Variants in FOCAD observed in about 807,000 individuals in gnomAD.
FOCAD encodes focadhesin.
In FOCAD, 198 loss-of-function variants were observed where a neutral mutation model predicts 225.6. The observed-to-expected ratio is 0.88, with a 90% CI of 0.78 to 0.99. The LOEUF (loss-of-function observed/expected upper bound fraction) is 0.99. Ranked by LOEUF, FOCAD falls within the 50% of genes least tolerant of loss-of-function variation. FOCAD has a pLI of 0.00. For missense variants in FOCAD, 2,713 were observed against 2,123.6 expected (o/e 1.28, Z -5.46); for synonymous variants, 897 against 755.0 (o/e 1.19, Z -3.08).
chr9:20,751,045 T>C (rs1389011203), intron 5 of FOCAD, among the ~76,000 whole-genome samples: 1 of 152,116 alleles, frequency 6.6e-6, no homozygotes, highest in Non-Finnish European at 1.5e-5. Flanking sequence ...GTTAATTCTC[T>C]TGCTTGAGAT....
At chr9:20,759,941 C>T (rs1028392031) in intron 6 of FOCAD, among the ~76,000 whole-genome samples, 1 of 152,192 alleles carries the variant, frequency 6.6e-6, no homozygotes, top group Non-Finnish European at 1.5e-5. Flanking sequence ...ATCAGATAGC[C>T]ACCATATGTG....
chr9:20,697,661 C>T (rs1357507265), intron 1 of FOCAD, among the ~76,000 whole-genome samples: 1 of 152,198 alleles, frequency 6.6e-6, no homozygotes, highest in African/African-American at 2.4e-5. Flanking sequence ...TTAAAGACCT[C>T]TCTAAAATTT....
intron 6 of FOCAD, among the ~76,000 whole-genome samples, chr9:20,758,493 C>T (rs4421439): frequency 0.024 from 3,694 of 151,428 alleles, 77 homozygotes; most frequent in Non-Finnish European, 0.039. Context: ...TTAGGTATAT[C>T]TCCTAATGCT....
intron 10 of FOCAD, among the ~76,000 whole-genome samples, chr9:20,784,858 T>C (rs1164523682): frequency 3.3e-5 from 5 of 152,184 alleles, no homozygotes; most frequent in Non-Finnish European, 5.9e-5. Flanking sequence ...ATGTGTGATA[T>C]GCCAGGAGTT....
intron 2 of FOCAD, among the ~76,000 whole-genome samples, chr9:20,677,410 A>C (rs186555339): frequency 6.6e-6 from 1 of 152,348 alleles, no homozygotes; most frequent in Non-Finnish European, 1.5e-5. Flanking sequence ...ACAGCAAAGG[A>C]AACAACAGAA....
chr9:20,699,750 AAAAAAAAAAAAAAAAAAAAAAAAATATAT>A (rs1199774284), intron 1 of FOCAD, among the ~76,000 whole-genome samples: 116 of 50,650 alleles, frequency 2.3e-3, no homozygotes, highest in African/African-American at 7.4e-3. Flanking sequence ...AAAAAAAAAA[AAAAAAAAAAAAAAAAAAAAAAAAATATAT>A]ATATATATAT....
In FOCAD at chr9:20,770,040, T is replaced by G. The variant is rs757622242; in HGVS notation, c.708T>G (p.Asp236Glu). ...ATGACTTTTTTAAACAGGTAAAAGA[T>G]TTGATACAGACAACAGAGGCGATGA... ...CDIVPCLQVK[D>E]LIQTTEAMMF... Residue 236 changes from aspartate (D) to glutamate (E), a missense_variant, in exon 8 of 44, where the codon GAT (aspartate) becomes GAG (glutamate). Transcript: ENST00000338382. The G allele has an allele frequency of 6.2e-7, 1 of 1,613,884 alleles. No individual in the cohort carries two copies. Among genetic ancestry groups the G allele is most frequent in the Admixed American group, 1.7e-5 (1 of 59,986 alleles).
At chr9:20,808,030 G>A (rs1044941878) in intron 11 of FOCAD, among the ~76,000 whole-genome samples, 8 of 151,906 alleles carry the variant, frequency 5.3e-5, no homozygotes, top group African/African-American at 1.9e-4. Context: ...TAGGGCGACA[G>A]AGTGAGACTC....
At chr9:20,710,910 G>C (rs1383841988) in intron 1 of FOCAD, among the ~76,000 whole-genome samples, 1 of 152,176 alleles carries the variant, frequency 6.6e-6, no homozygotes, top group Non-Finnish European at 1.5e-5. Context: ...CTGGGAGTTA[G>C]CAAACTATGG....
intron 5 of FOCAD, among the ~76,000 whole-genome samples, chr9:20,748,934 T>C (rs548718268): frequency 6.6e-6 from 1 of 152,282 alleles, no homozygotes; most frequent in South Asian, 2.1e-4. Context: ...AATTGAAAGA[T>C]TGGGATTATA....
At chr9:20,962,369 TTATC>T (rs1376487645) in intron 35 of FOCAD, among the ~76,000 whole-genome samples, 1 of 151,964 alleles carries the variant, frequency 6.6e-6, no homozygotes, top group African/African-American at 2.4e-5. Flanking sequence ...TAATATTTGT[TTATC>T]TATAACTTTA....
At chr9:20,731,354 G>T (rs996133531) in intron 4 of FOCAD, among the ~76,000 whole-genome samples, 1 of 152,112 alleles carries the variant, frequency 6.6e-6, no homozygotes, top group African/African-American at 2.4e-5. Flanking sequence ...CATCTTCCCA[G>T]TATTTACAGT....
chr9:20,911,274 G>A (rs953431573), intron 22 of FOCAD, among the ~76,000 whole-genome samples: 1 of 152,036 alleles, frequency 6.6e-6, no homozygotes, highest in Non-Finnish European at 1.5e-5. Context: ...AACTATGAAG[G>A]ATGTGAATAC....
intron 28 of FOCAD, among the ~76,000 whole-genome samples, chr9:20,934,412 C>T (rs1056862152): frequency 4.0e-5 from 6 of 151,840 alleles, no homozygotes; most frequent in Non-Finnish European, 8.8e-5. Context: ...TCCTTCTGTA[C>T]AGTTTTATTC....
chr9:20,911,008 G>A lies in FOCAD; in HGVS notation c.2719-1858G>A, dbSNP rs7045509. On this transcript the variant is annotated intron_variant, in intron 22 of 43. Coordinates refer to ENST00000338382, the MANE Select transcript of FOCAD (RefSeq NM_001375567.1). ...TCTTGTGTTTTGTTTATCTTTAAAC[G>A]GATTTTTAAAATTTCTTGTTCCTTG... is the stretch of plus-strand genomic sequence containing the variant. 1.9e-3 allele frequency among the ~76,000 whole-genome samples: 284 copies of A among 152,090 alleles called. 2 individuals are homozygous for A. Among genetic ancestry groups the A allele is most frequent in the African/African-American group, 6.1e-3 (254 of 41,500 alleles).
At chr9:20,951,749 G>A (rs1383068387) in intron 34 of FOCAD, among the ~76,000 whole-genome samples, 1 of 152,164 alleles carries the variant, frequency 6.6e-6, no homozygotes, top group Non-Finnish European at 1.5e-5. Context: ...CATGCTTAAT[G>A]TGCATTTGTA....
intron 4 of FOCAD, among the ~76,000 whole-genome samples, chr9:20,739,220 G>A (rs1441107590): frequency 6.6e-6 from 1 of 152,214 alleles, no homozygotes; most frequent in African/African-American, 2.4e-5. Context: ...AATCAACTAT[G>A]TTCTGAAGTA....
intron 19 of FOCAD, among the ~76,000 whole-genome samples, chr9:20,878,148 A>G (rs561572619): frequency 7.3e-4 from 111 of 152,300 alleles, no homozygotes; most frequent in South Asian, 8.3e-4. Flanking sequence ...CATAAAACCA[A>G]TTAGAACTCT....
intron 39 of FOCAD, among the ~76,000 whole-genome samples, chr9:20,984,878 G>C (rs1464211473): frequency 6.6e-6 from 1 of 152,192 alleles, no homozygotes; most frequent in Non-Finnish European, 1.5e-5. Flanking sequence ...TCAACTCACT[G>C]CAACCTCCGT....
Sources: gnomAD v4.1 joint callset for allele counts (sites outside exome capture counted in the v4.1 genomes callset) on GRCh38, gnomAD v4.1.1 for gene constraint, MANE v1.5 for transcripts, NCBI Gene and HGNC (gene_info 2026-07-23, HGNC 2026-07-21) for gene names.